CBFA2T3: variants seen among roughly 807,000 people sequenced by gnomAD.
CBFA2T3 encodes transcriptional corepressor CBFA2T3.
Under a neutral mutation model 58.6 loss-of-function variants are expected in CBFA2T3, and 31 were observed. The ratio of observed to expected loss-of-function variants is 0.53; its 90% CI spans 0.40 to 0.71. The LOEUF (loss-of-function observed/expected upper bound fraction) is 0.71, where lower values mean the gene tolerates loss of function less well. Ranked by LOEUF, CBFA2T3 falls within the 30% of genes least tolerant of loss-of-function variation. CBFA2T3 has a pLI of 0.00. For missense variants in CBFA2T3, 1,076 were observed against 963.1 expected (o/e 1.12, Z -1.55); for synonymous variants, 531 against 421.9 (o/e 1.26, Z -3.17).
At position 88,966,415 on chromosome 16, in the gene CBFA2T3, C is replaced by T. The variant is rs574445380; in HGVS notation, c.151+10242G>A. Among the ~76,000 whole-genome samples, 337 of 151,828 alleles carry T rather than the reference C, an allele frequency of 2.2e-3. 1 individual carries two copies. The highest frequency in any genetic ancestry group is 7.7e-3 in the African/African-American group (317 of 41,204). On this transcript the variant is annotated intron_variant, in intron 1 of 11. Coordinates refer to ENST00000268679, the MANE Select transcript of CBFA2T3 (RefSeq NM_005187.6). Reference sequence around the variant, plus strand: ...ATCGCGAGTCCACAGACCTCCCGGCCCCTCTCCCACCTGTGCAGCATGGCT... The same window carrying T: ...ATCGCGAGTCCACAGACCTCCCGGCTCCTCTCCCACCTGTGCAGCATGGCT...
rs1284660029 is a variant in CBFA2T3 at position 88,901,946 on chromosome 16, G to C, written c.152-290C>G. Among the ~76,000 whole-genome samples, 6 of 152,330 alleles carry C rather than the reference G, an allele frequency of 3.9e-5. No homozygotes were observed. The South Asian group carries it at 1.2e-3, about 32-fold the overall frequency. On this transcript the variant is annotated intron_variant, in intron 1 of 11. Transcript: ENST00000268679. ...GAGCCGTGCCCCACTCCAGGCTTGAGGCTTCTACAGACCAGGGAGTGGGCA... is the reference window on the plus strand; with the variant it reads ...GAGCCGTGCCCCACTCCAGGCTTGACGCTTCTACAGACCAGGGAGTGGGCA...
intron 1 of CBFA2T3, among the ~76,000 whole-genome samples, chr16:88,919,702 G>A (rs961195927): frequency 2.6e-5 from 4 of 152,204 alleles, no homozygotes; most frequent in Non-Finnish European, 4.4e-5. Context: ...TTCTGAGCAC[G>A]TGCAGTCTGG....
At chr16:88,907,472 C>T (rs764450409) in intron 1 of CBFA2T3, among the ~76,000 whole-genome samples, 1 of 152,198 alleles carries the variant, frequency 6.6e-6, no homozygotes, top group Admixed American at 6.5e-5. Flanking sequence ...CTCTGACGCC[C>T]GGAGGGGAGG....
chr16:88,877,943 G>A (rs1968902822), intron 11 of CBFA2T3, among the ~76,000 whole-genome samples: 1 of 152,298 alleles, frequency 6.6e-6, no homozygotes, highest in East Asian at 1.9e-4. Context: ...GAGAAGCCCA[G>A]GTCCCTATTT....
chr16:88,922,693 C>T (rs1421143188), intron 1 of CBFA2T3, among the ~76,000 whole-genome samples: 1 of 152,230 alleles, frequency 6.6e-6, no homozygotes, highest in Admixed American at 6.5e-5. Context: ...GCCTACAGGC[C>T]GGGTCCCAGC....
intron 1 of CBFA2T3, among the ~76,000 whole-genome samples, chr16:88,903,401 G>T (rs1970176066): frequency 6.6e-6 from 1 of 152,154 alleles, no homozygotes; most frequent in South Asian, 2.1e-4. Flanking sequence ...GAGTGGTGGG[G>T]GGAGGAAGCA....
intron 1 of CBFA2T3, among the ~76,000 whole-genome samples, chr16:88,916,901 C>T (rs962065949): frequency 2.6e-5 from 4 of 151,516 alleles, no homozygotes; most frequent in Non-Finnish European, 4.4e-5. Flanking sequence ...GGCAGGGTCT[C>T]GAACGTTGTA....
At chr16:88,928,036 G>T (rs1215322610) in intron 1 of CBFA2T3, among the ~76,000 whole-genome samples, 1 of 152,188 alleles carries the variant, frequency 6.6e-6, no homozygotes, top group Non-Finnish European at 1.5e-5. Flanking sequence ...TGCTGACCGA[G>T]CCCCTGGCAC....
At chr16:88,905,488 G>T (rs1970274110) in intron 1 of CBFA2T3, among the ~76,000 whole-genome samples, 1 of 151,874 alleles carries the variant, frequency 6.6e-6, no homozygotes, top group Non-Finnish European at 1.5e-5. Context: ...TGACCTGTTT[G>T]CAGGGTCTCT....
At chr16:88,897,405 G>A (rs1390055049) in intron 3 of CBFA2T3, among the ~76,000 whole-genome samples, 2 of 152,232 alleles carry the variant, frequency 1.3e-5, no homozygotes, top group African/African-American at 2.4e-5. Flanking sequence ...TCTGTCTGAT[G>A]GGCTCAAGCA....
intron 3 of CBFA2T3, among the ~76,000 whole-genome samples, chr16:88,895,665 ACT>A (rs1339767510): frequency 6.6e-6 from 1 of 151,830 alleles, no homozygotes. Context: ...CCCAGCGCTC[ACT>A]CTGCTCTCAC....
intron 8 of CBFA2T3, among the ~76,000 whole-genome samples, chr16:88,882,342 C>T (rs1330081347): frequency 6.6e-6 from 1 of 151,078 alleles, no homozygotes; most frequent in African/African-American, 2.4e-5. Flanking sequence ...GTGGGCATGG[C>T]TGTGCGTGGG....
At chr16:88,923,124 G>A (rs756578265) in intron 1 of CBFA2T3, among the ~76,000 whole-genome samples, 8 of 152,234 alleles carry the variant, frequency 5.3e-5, no homozygotes, top group Non-Finnish European at 1.0e-4. Context: ...AGGGAGAGAC[G>A]CGGGGGAGTT....
At position 88,879,279 on chromosome 16, in the gene CBFA2T3, G is replaced by A. The variant is rs765081006; in HGVS notation, c.1653C>T (p.Asp551=). 7 of 1,596,202 alleles carry A rather than the reference G, an allele frequency of 4.4e-6. No individual in the cohort carries two copies. The highest frequency in any genetic ancestry group is 6.0e-6 in the Non-Finnish European group (7 of 1,170,094). The change falls in exon 11 of 12, where the codon GAC becomes GAT. Residue 551 remains aspartate, a synonymous_variant. Coordinates refer to ENST00000268679, the MANE Select transcript of CBFA2T3 (RefSeq NM_005187.6). The part of the protein sequence containing the change: ...DALTVINQQE[D]SSESCWNCGR... ...GGCCGGGTGGCCCTACCTCGCTGGAGTCCTCCTGCTGGTTGATGACCGTCA... is the reference window on the plus strand; with the variant it reads ...GGCCGGGTGGCCCTACCTCGCTGGAATCCTCCTGCTGGTTGATGACCGTCA...
intron 1 of CBFA2T3, among the ~76,000 whole-genome samples, chr16:88,933,366 T>C (rs1197237723): frequency 2.8e-3 from 11 of 3,942 alleles, no homozygotes; most frequent in African/African-American, 0.015. Context: ...GTCACGTGCC[T>C]CTATACGCCT....
Position 88,881,400 on chromosome 16 carries a change from G to C in CBFA2T3, c.1293C>G (p.Leu431=), listed in dbSNP as rs758972950. 1.2e-6 allele frequency: 2 copies of C among 1,604,898 alleles called. No individual in the cohort carries two copies. Among genetic ancestry groups the C allele is most frequent in the South Asian group, 1.1e-5 (1 of 90,234 alleles). Residue 431 remains leucine (L), a synonymous_variant, in exon 9 of 12, where the codon CTC becomes CTG. Coordinates refer to ENST00000268679, the MANE Select transcript of CBFA2T3 (RefSeq NM_005187.6). ...CGCTGTAGCGCCGCGCCCAGTGGTT[G>C]AGCTCCTCGCGGTCGGCCTCCTGGC... ...RRCQEADREE[L]NHWARRYSDA...
At chr16:88,898,188 G>A (rs756519993) in intron 2 of CBFA2T3, 36 bp from the exon 3 acceptor site, 10 of 1,534,604 alleles carry the variant, frequency 6.5e-6, no homozygotes, top group South Asian at 2.2e-5. Context: ...CTGTCAGGAG[G>A]GGCGTGGGCA....
At chr16:88,886,422 G>A (rs565859800) in intron 5 of CBFA2T3, 8 of 345,564 alleles carry the variant, frequency 2.3e-5, no homozygotes, top group East Asian at 2.3e-4. Context: ...GACTCCCAGG[G>A]TGGGGCTTTC....
chr16:88,928,692 CA>C (rs1405426750), intron 1 of CBFA2T3, among the ~76,000 whole-genome samples: 1 of 152,198 alleles, frequency 6.6e-6, no homozygotes, highest in African/African-American at 2.4e-5. Context: ...TGCAGACAGG[CA>C]AAAGTCCTGC....
Sources: gnomAD v4.1 joint callset for allele counts (sites outside exome capture counted in the v4.1 genomes callset) on GRCh38, gnomAD v4.1.1 for gene constraint, MANE v1.5 for transcripts, NCBI Gene and HGNC (gene_info 2026-07-23, HGNC 2026-07-21) for gene names.